PHF21B: variants seen among roughly 807,000 people sequenced by gnomAD.
PHF21B encodes the protein PHD finger protein 4.
PHF21B carries 22 observed loss-of-function variants against 62.2 expected under a neutral mutation model. The observed-to-expected ratio is 0.35, with a 90% CI of 0.25 to 0.51. The LOEUF is 0.51. PHF21B is among the 20% of genes least tolerant of loss of function. The pLI is 0.97. For synonymous variants in PHF21B, 341 were observed against 314.7 expected (o/e 1.08, Z -0.88); for missense variants, 701 against 707.9 (o/e 0.99, Z 0.11).
intron 2 of PHF21B, among the ~76,000 whole-genome samples, chr22:44,922,671 A>C (rs979045715): frequency 2.6e-5 from 4 of 152,246 alleles, no homozygotes; most frequent in Non-Finnish European, 5.9e-5. Context: ...GTTTCTATAC[A>C]CTAGGCACCA....
intron 2 of PHF21B, among the ~76,000 whole-genome samples, chr22:44,964,136 T>C (rs1000440494): frequency 2.0e-5 from 3 of 152,316 alleles, no homozygotes; most frequent in Admixed American, 2.0e-4. Flanking sequence ...ATGAAACAGA[T>C]GAATATCTGT....
chr22:44,963,350 G>A (rs1461580048), intron 2 of PHF21B, among the ~76,000 whole-genome samples: 1 of 152,266 alleles, frequency 6.6e-6, no homozygotes, highest in Non-Finnish European at 1.5e-5. Context: ...CCACCATGCT[G>A]AACTGTGTTT....
At chr22:45,006,850 G>A (rs906217892) in intron 2 of PHF21B, among the ~76,000 whole-genome samples, 2 of 146,014 alleles carry the variant, frequency 1.4e-5, no homozygotes, top group Non-Finnish European at 3.0e-5. Flanking sequence ...AGATCTGGTG[G>A]CAGATTTTTT....
In PHF21B at chr22:45,009,878, C is replaced by A. The variant is rs1046172502; in HGVS notation, c.-329G>T. 1.0e-4 allele frequency: 15 copies of A among 145,926 alleles called. 1 individual carries two copies. The highest frequency in any genetic ancestry group is 3.7e-4 in the African/African-American group (15 of 40,608). The allele number at this position is 145,926 out of a possible 1,614,324, so 9.0% of individuals were successfully genotyped here. On this transcript the variant is annotated 5_prime_UTR_variant, in exon 1 of 13. Coordinates refer to ENST00000313237, the MANE Select transcript of PHF21B (RefSeq NM_138415.5). The surrounding 1 kb of genome is among the most constrained non-coding windows in gnomAD (Gnocchi z 5.9). ...GCAGCCCCGCGCGCGCCCGCCCAGCCGCCGCCGCCGCCGCCTCCTCCCGCG... is the reference window on the plus strand; with the variant it reads ...GCAGCCCCGCGCGCGCCCGCCCAGCAGCCGCCGCCGCCGCCTCCTCCCGCG...
intron 2 of PHF21B, among the ~76,000 whole-genome samples, chr22:44,951,646 C>T (rs2072196804): frequency 6.6e-6 from 1 of 152,162 alleles, no homozygotes; most frequent in Non-Finnish European, 1.5e-5. Context: ...CATAGTATTC[C>T]CCTCTGTGAA....
chr22:44,923,727 G>T (rs901899852), intron 2 of PHF21B, among the ~76,000 whole-genome samples: 2 of 152,048 alleles, frequency 1.3e-5, no homozygotes, highest in Non-Finnish European at 2.9e-5. Context: ...CACTAAAGAA[G>T]ATATACTGGG....
chr22:44,983,166 G>A (rs1010085096), intron 2 of PHF21B, among the ~76,000 whole-genome samples: 5 of 151,904 alleles, frequency 3.3e-5, no homozygotes, highest in Admixed American at 6.6e-5. Flanking sequence ...CCCAGGAGGC[G>A]GAGGTTACAG....
At chr22:44,986,837 C>G (rs554768831) in intron 2 of PHF21B, among the ~76,000 whole-genome samples, 2 of 150,560 alleles carry the variant, frequency 1.3e-5, no homozygotes, top group Admixed American at 6.6e-5. Flanking sequence ...GGGGAGAGGG[C>G]AGGTGCAGGC....
Position 44,891,296 on chromosome 22 carries a change from C to T in PHF21B, c.1015+10G>A, listed in dbSNP as rs544226953. ...GCAGCTCTGGCAGAAGGCCTGAAGC[C>T]GGTGCTTACCTCTCGCTGTGAGGAA... On this transcript the variant is annotated intron_variant, in intron 8 of 12. Transcript: ENST00000313237. The T allele has an allele frequency of 1.5e-5, 25 of 1,613,638 alleles. No homozygotes were observed. In the East Asian group the frequency reaches 2.0e-4, roughly 13 times the overall value.
chr22:44,905,829 C>T (rs926641743), intron 5 of PHF21B, among the ~76,000 whole-genome samples: 2 of 152,124 alleles, frequency 1.3e-5, no homozygotes, highest in Non-Finnish European at 2.9e-5. Context: ...AGGGTTTCAC[C>T]GTGTTAGCCA....
intron 2 of PHF21B, among the ~76,000 whole-genome samples, chr22:45,004,794 C>T (rs1231708941): frequency 2.0e-5 from 3 of 152,230 alleles, no homozygotes; most frequent in Non-Finnish European, 4.4e-5. Context: ...GCGCTGGGCG[C>T]GCACACAACA....
At chr22:44,961,039 TTC>T (rs1435326071) in intron 2 of PHF21B, among the ~76,000 whole-genome samples, 1 of 144,874 alleles carries the variant, frequency 6.9e-6, no homozygotes, top group Non-Finnish European at 1.5e-5. Flanking sequence ...TCACTGCAAC[TTC>T]TGACTCCCTG....
At chr22:44,933,434 G>A in intron 2 of PHF21B, 1 of 983,068 alleles carries the variant, frequency 1.0e-6, no homozygotes, top group African/African-American at 1.7e-5. Context: ...GAAGCCATTG[G>A]CACTGACTAA....
chr22:44,948,530 A>T (rs113558112), intron 2 of PHF21B, among the ~76,000 whole-genome samples: 14 of 103,106 alleles, frequency 1.4e-4, no homozygotes, highest in African/African-American at 3.6e-4. Context: ...AAAATAAAAT[A>T]AAAAAAAACA....
chr22:44,929,708 G>T (rs1276147156), intron 2 of PHF21B, among the ~76,000 whole-genome samples: 2 of 152,240 alleles, frequency 1.3e-5, no homozygotes, highest in Admixed American at 6.5e-5. Context: ...CGGCACAAAG[G>T]TGCTCTAACA....
At chr22:44,921,901 CA>C (rs1366180576) in intron 2 of PHF21B, among the ~76,000 whole-genome samples, 2 of 152,110 alleles carry the variant, frequency 1.3e-5, no homozygotes, top group Non-Finnish European at 2.9e-5. Context: ...TCAGGTGATC[CA>C]CCCACCTCGG....
chr22:44,967,649 C>T (rs769399726), intron 2 of PHF21B, among the ~76,000 whole-genome samples: 3 of 152,188 alleles, frequency 2.0e-5, no homozygotes, highest in East Asian at 3.9e-4. Flanking sequence ...TGTCTGACAC[C>T]GGCCTGGTGC....
chr22:44,963,289 C>T (rs1025858181), intron 2 of PHF21B, among the ~76,000 whole-genome samples: 10 of 152,248 alleles, frequency 6.6e-5, no homozygotes, highest in Admixed American at 5.9e-4. Context: ...CACGCTCACA[C>T]CACTGCAGCG....
At chr22:44,921,744 C>T (rs906542590) in intron 2 of PHF21B, among the ~76,000 whole-genome samples, 6 of 151,792 alleles carry the variant, frequency 4.0e-5, no homozygotes, top group African/African-American at 7.3e-5. Flanking sequence ...CTGCAACCTC[C>T]GCCTCCTAGG....
Sources: allele counts gnomAD v4.1 joint callset (sites outside exome capture counted in the v4.1 genomes callset), GRCh38; gene constraint gnomAD v4.1.1; non-coding constraint Gnocchi (gnomAD v3.1); transcripts MANE v1.5; gene names NCBI Gene and HGNC (gene_info 2026-07-23, HGNC 2026-07-21).